EPHA5: variants seen among roughly 807,000 people sequenced by gnomAD.
EPHA5 encodes the protein EPH receptor A5, also known as ephrin type-A receptor 5.
In EPHA5, 60 loss-of-function variants were observed where a neutral mutation model predicts 105.0. The ratio of observed to expected loss-of-function variants is 0.57; its 90% CI spans 0.46 to 0.71. EPHA5 has a LOEUF of 0.71. EPHA5 is among the 30% of genes least tolerant of loss of function. EPHA5 has a pLI of 0.00. For missense variants in EPHA5, 1,218 were observed against 1,274.7 expected, an observed-to-expected ratio of 0.96 and a Z score of 0.68; for synonymous variants, 513 against 449.1, an observed-to-expected ratio of 1.14 and a Z score of -1.80.
intron 2 of EPHA5, among the ~76,000 whole-genome samples, chr4:65,616,079 A>G (rs1457398060): frequency 6.6e-6 from 1 of 151,948 alleles, no homozygotes; most frequent in Non-Finnish European, 1.5e-5. Context: ...GTAGTACATT[A>G]TATATCATGG....
At chr4:65,609,641 G>A (rs1744573624) in intron 2 of EPHA5, among the ~76,000 whole-genome samples, 1 of 144,264 alleles carries the variant, frequency 6.9e-6, no homozygotes, top group African/African-American at 2.5e-5. Flanking sequence ...AAAAAAATCA[G>A]TTTTTTTTTT....
At chr4:65,652,152 T>C (rs1748667414) in intron 1 of EPHA5, among the ~76,000 whole-genome samples, 1 of 152,204 alleles carries the variant, frequency 6.6e-6, no homozygotes, top group East Asian at 1.9e-4. Context: ...AATTCCACCC[T>C]ACTATGTATA....
chr4:65,509,530 C>G (rs1266054176), intron 3 of EPHA5, among the ~76,000 whole-genome samples: 1 of 152,140 alleles, frequency 6.6e-6, no homozygotes, highest in Non-Finnish European at 1.5e-5. Context: ...GGTTAGAAAA[C>G]AGTGTCCTGA....
At chr4:65,477,258 T>C (rs983772845) in intron 5 of EPHA5, among the ~76,000 whole-genome samples, 7 of 152,026 alleles carry the variant, frequency 4.6e-5, no homozygotes, top group African/African-American at 1.7e-4. Flanking sequence ...TATAAGAAAA[T>C]AGATTTTAGG....
intron 3 of EPHA5, among the ~76,000 whole-genome samples, chr4:65,594,443 A>C (rs1742976966): frequency 6.6e-6 from 1 of 152,166 alleles, no homozygotes; most frequent in Non-Finnish European, 1.5e-5. Context: ...CATCCTAGAG[A>C]CCTGCCCAAA....
At chr4:65,517,565 C>T (rs7679950) in intron 3 of EPHA5, among the ~76,000 whole-genome samples, 34,384 of 151,462 alleles carry the variant, frequency 0.23, 4,052 homozygotes, top group African/African-American at 0.28. Context: ...ATTATATTGT[C>T]TGTTTTTTCA....
intron 5 of EPHA5, among the ~76,000 whole-genome samples, chr4:65,475,319 G>A (rs1156249428): frequency 1.3e-5 from 2 of 152,118 alleles, no homozygotes; most frequent in Non-Finnish European, 2.9e-5. Context: ...ATGTGTGAAT[G>A]CATGGCAATC....
chr4:65,409,537 C>A (rs1363234917), intron 7 of EPHA5, among the ~76,000 whole-genome samples: 2 of 151,910 alleles, frequency 1.3e-5, no homozygotes, highest in Admixed American at 1.3e-4. Flanking sequence ...GGTTGTAGAC[C>A]CATATTATGT....
intron 3 of EPHA5, among the ~76,000 whole-genome samples, chr4:65,590,318 GCAGA>G (rs1742515961): frequency 6.6e-6 from 1 of 152,074 alleles, no homozygotes; most frequent in African/African-American, 2.4e-5. Context: ...AGCCGTAAAT[GCAGA>G]CAAAGCATTT....
intron 2 of EPHA5, among the ~76,000 whole-genome samples, chr4:65,609,076 G>A: frequency 6.6e-6 from 1 of 152,052 alleles, no homozygotes; most frequent in African/African-American, 2.4e-5. Flanking sequence ...AAAAAAATGG[G>A]CAATCCATTG....
intron 3 of EPHA5, among the ~76,000 whole-genome samples, chr4:65,555,717 T>G (rs1316137187): frequency 1.3e-5 from 2 of 150,156 alleles, no homozygotes; most frequent in South Asian, 4.1e-4. Context: ...AGTAATTGAT[T>G]AGTGTGAATT....
intron 1 of EPHA5, among the ~76,000 whole-genome samples, chr4:65,654,867 T>C (rs933832864): frequency 6.8e-5 from 10 of 147,004 alleles, no homozygotes; most frequent in Non-Finnish European, 1.0e-4. Flanking sequence ...TATTTTAATA[T>C]ATATTTATTT....
intron 2 of EPHA5, among the ~76,000 whole-genome samples, chr4:65,628,041 G>C (rs1746306812): frequency 1.3e-5 from 2 of 151,974 alleles, no homozygotes; most frequent in African/African-American, 4.8e-5. Context: ...ATTTGCTCCT[G>C]TTACTGTTGC....
rs71205369 is a variant in EPHA5 at position 65,465,436 on chromosome 4, T to TAAAG, written c.1402+24937_1402+24940dup. On this transcript the variant is annotated intron_variant, in intron 5 of 16. Coordinates refer to ENST00000613740, the MANE Select transcript of EPHA5 (RefSeq NM_001281766.3). ...GTGAGACTCCATCCCCCCACCCCTC[T>TAAAG]AAAGAAAGAAAGAAAGAAAGAAAAG... is the stretch of plus-strand genomic sequence containing the variant. Among the ~76,000 whole-genome samples the TAAAG allele has an allele frequency of 5.7e-3, 142 of 25,054 alleles. 3 individuals carry two copies. Among genetic ancestry groups the TAAAG allele is most frequent in the African/African-American group, 0.018 (137 of 7,574 alleles). The allele number at this position is 25,054 out of a possible 152,430, so 16.4% of individuals were successfully genotyped here. A position where few individuals can be genotyped will look rare whatever the true frequency, so the allele number is the denominator to read the frequency against.
At chr4:65,432,500 G>C (rs62298037) in intron 5 of EPHA5, among the ~76,000 whole-genome samples, 15,145 of 152,140 alleles carry the variant, frequency 0.1, 975 homozygotes, top group Middle Eastern at 0.22. Context: ...CATCTAACTA[G>C]CTTTAGACTT....
chr4:65,555,270 A>C (rs1578412078), intron 3 of EPHA5, among the ~76,000 whole-genome samples: 1 of 152,138 alleles, frequency 6.6e-6, no homozygotes, highest in South Asian at 2.1e-4. Context: ...CTTGGAATGC[A>C]CTGGGAAGAA....
chr4:65,444,315 T>C (rs551763402), intron 5 of EPHA5, among the ~76,000 whole-genome samples: 3 of 152,286 alleles, frequency 2.0e-5, no homozygotes, highest in South Asian at 4.1e-4. Context: ...TATATACATA[T>C]AATCTAGCCA....
At chr4:65,652,041 A>C (rs764783050) in intron 1 of EPHA5, among the ~76,000 whole-genome samples, 11 of 152,176 alleles carry the variant, frequency 7.2e-5, no homozygotes, top group Non-Finnish European at 1.5e-4. Flanking sequence ...AACTTGTATA[A>C]TCTTACATAT....
intron 2 of EPHA5, among the ~76,000 whole-genome samples, chr4:65,613,825 G>A (rs916863317): frequency 5.9e-5 from 9 of 152,034 alleles, no homozygotes; most frequent in African/African-American, 1.9e-4. Flanking sequence ...TAGTGTTTAT[G>A]TTTTTTGATC....
Sources: gnomAD v4.1 joint callset for allele counts (sites outside exome capture counted in the v4.1 genomes callset) on GRCh38, gnomAD v4.1.1 for gene constraint, MANE v1.5 for transcripts, NCBI Gene and HGNC (gene_info 2026-07-23, HGNC 2026-07-21) for gene names.